PDZD8: variants seen among roughly 807,000 people sequenced by gnomAD.
PDZD8 encodes PDZ domain containing 8, also known as PDZ domain-containing protein 8.
A neutral mutation model predicts 85.8 loss-of-function variants in PDZD8; 14 were observed. The ratio of observed to expected loss-of-function variants is 0.16; its 90% confidence interval spans 0.11 to 0.26. PDZD8 has a LOEUF of 0.26. Ranked by LOEUF, PDZD8 falls within the 10% of genes least tolerant of loss-of-function variation. PDZD8 has a pLI of 1.00. For missense variants in PDZD8, 1,197 were observed against 1,424.3 expected, an observed-to-expected ratio of 0.84 and a Z score of 2.57; for synonymous variants, 592 against 568.6, an observed-to-expected ratio of 1.04 and a Z score of -0.59.
rs10377 is a variant in PDZD8, at chr10:117,277,498, A to C, written c.*5770T>G. 133,349 of 269,082 alleles carry C rather than the reference A, an allele frequency of 0.5. 34,016 individuals carry two copies. The highest frequency in any genetic ancestry group is 0.57 in the East Asian group (8,731 of 15,276). The allele number at this position is 269,082 out of a possible 1,614,324, so 16.7% of individuals were successfully genotyped here. On this transcript the variant is annotated 3_prime_UTR_variant, in exon 5 of 5. Coordinates refer to ENST00000334464, the MANE Select transcript of PDZD8 (RefSeq NM_173791.5). ...TGTTGAAACTTTATTTTATGTATTT[A>C]ATTTTATTAAATATCATACAATATA...
At chr10:117,342,702 T>A (rs955243097) in intron 1 of PDZD8, among the ~76,000 whole-genome samples, 2 of 152,082 alleles carry the variant, frequency 1.3e-5, no homozygotes, top group African/African-American at 4.8e-5. Context: ...AGTCTTGAAC[T>A]CCTGACCTCA....
At chr10:117,312,065 C>G (rs1844047747) in intron 3 of PDZD8, among the ~76,000 whole-genome samples, 1 of 152,058 alleles carries the variant, frequency 6.6e-6, no homozygotes, top group Admixed American at 6.6e-5. Context: ...TGAAATACAG[C>G]CTGCAAAGGT....
intron 2 of PDZD8, among the ~76,000 whole-genome samples, chr10:117,334,338 C>T (rs114726130): frequency 0.022 from 3,340 of 152,136 alleles, 107 homozygotes; most frequent in African/African-American, 0.073. Flanking sequence ...AAAACTCTTT[C>T]TCTACTAAAA....
chr10:117,301,362 T>C (rs574169273), intron 3 of PDZD8, among the ~76,000 whole-genome samples: 9 of 152,342 alleles, frequency 5.9e-5, no homozygotes, highest in Admixed American at 3.3e-4. Flanking sequence ...AATTGAATTC[T>C]GAATATCAGG....
intron 3 of PDZD8, among the ~76,000 whole-genome samples, chr10:117,318,605 C>T (rs1844170707): frequency 6.6e-6 from 1 of 152,166 alleles, no homozygotes; most frequent in Non-Finnish European, 1.5e-5. Flanking sequence ...TTAGTTCCTT[C>T]TAATTTCATA....
intron 1 of PDZD8, among the ~76,000 whole-genome samples, chr10:117,354,839 T>A (rs575000701): frequency 6.6e-6 from 1 of 152,334 alleles, no homozygotes; most frequent in South Asian, 2.1e-4. Flanking sequence ...CAGTGAGTGA[T>A]CATTTTAAAA....
chr10:117,318,999 A>G, intron 2 of PDZD8, 25 bp from the exon 3 acceptor site: 1 of 1,452,004 alleles, frequency 6.9e-7, no homozygotes, highest in Admixed American at 1.7e-5. Flanking sequence ...AAAACAAGGG[A>G]GAGTATCATA....
chr10:117,284,186 C>G lies in PDZD8; in HGVS notation c.2547G>C (p.Gln849His). The G allele has an allele frequency of 6.2e-7, 1 of 1,614,198 alleles. No homozygotes were observed. The highest frequency in any genetic ancestry group is 1.1e-5 in the South Asian group (1 of 91,084). Residue 849 changes from glutamine to histidine, a missense_variant, in exon 5 of 5, where the codon CAG becomes CAC. Gln to His is a conservative substitution (Grantham distance 24, BLOSUM62 0). Coordinates refer to ENST00000334464, the MANE Select transcript of PDZD8 (RefSeq NM_173791.5). ...TACAGTAGTCACACCATGTTGGGTTCTGGAACTGAGTATCCTGAAAACTGT... is the reference window on the plus strand; with the variant it reads ...TACAGTAGTCACACCATGTTGGGTTGTGGAACTGAGTATCCTGAAAACTGT... The part of the protein sequence containing the change: ...NKHSFQDTQF[Q>H]NPTWCDYCKK...
chr10:117,296,976 A>T (rs1312660447), intron 3 of PDZD8, among the ~76,000 whole-genome samples: 1 of 152,134 alleles, frequency 6.6e-6, no homozygotes, highest in African/African-American at 2.4e-5. Flanking sequence ...TCTTTGAAAG[A>T]CAGTTAAGAA....
rs771871339 is a variant in PDZD8 at position 117,340,961 on chromosome 10, GA to G, written c.995+18del. On this transcript the variant is annotated intron_variant, in intron 2 of 4. Transcript: ENST00000334464. ...ACTGTTCTTCCCGTAACTTAGTAAT[GA>G]CAAAACAAAGAACATACCTGCTACA... is the stretch of plus-strand genomic sequence containing the variant. 1.9e-6 allele frequency: 3 copies of G among 1,613,212 alleles called. No individual in the cohort carries two copies. In the African/African-American group the frequency reaches 4.0e-5, roughly 22 times the overall value.
At chr10:117,316,231 G>A (rs1185489606) in intron 3 of PDZD8, among the ~76,000 whole-genome samples, 1 of 152,154 alleles carries the variant, frequency 6.6e-6, no homozygotes, top group Non-Finnish European at 1.5e-5. Flanking sequence ...AATGAGCTAA[G>A]CAGGGCACTG....
intron 1 of PDZD8, among the ~76,000 whole-genome samples, chr10:117,364,207 T>TGTGTGTGA (rs1010465477): frequency 2.1e-5 from 3 of 144,252 alleles, no homozygotes; most frequent in African/African-American, 7.7e-5. Flanking sequence ...TGTGTGTGTG[T>TGTGTGTGA]GAGAGTGTGT....
chr10:117,306,121 A>G (rs1843939098), intron 3 of PDZD8, among the ~76,000 whole-genome samples: 1 of 152,192 alleles, frequency 6.6e-6, no homozygotes, highest in African/African-American at 2.4e-5. Context: ...TTCAAAATAG[A>G]ATGCCAGCTT....
chr10:117,344,192 A>G (rs1844665081), intron 1 of PDZD8, among the ~76,000 whole-genome samples: 1 of 152,196 alleles, frequency 6.6e-6, no homozygotes, highest in Admixed American at 6.5e-5. Flanking sequence ...TCTGCTCCCC[A>G]GTGAAATTCG....
intron 2 of PDZD8, among the ~76,000 whole-genome samples, chr10:117,325,264 G>A (rs1020043152): frequency 1.3e-5 from 2 of 152,040 alleles, no homozygotes; most frequent in East Asian, 3.9e-4. Flanking sequence ...GGACCTCAGA[G>A]AGGAATTCAC....
intron 3 of PDZD8, among the ~76,000 whole-genome samples, chr10:117,315,603 A>C (rs80152629): frequency 2.2e-4 from 21 of 95,504 alleles, no homozygotes; most frequent in Non-Finnish European, 3.1e-4. Context: ...AAAAAAAAAA[A>C]AAAAAAAAAC....
chr10:117,329,146 T>C (rs1226624970), intron 2 of PDZD8, among the ~76,000 whole-genome samples: 2 of 152,240 alleles, frequency 1.3e-5, no homozygotes, highest in East Asian at 3.8e-4. Flanking sequence ...TAACAATCAC[T>C]GGCTAATAAA....
intron 2 of PDZD8, among the ~76,000 whole-genome samples, chr10:117,320,159 T>C (rs1366256826): frequency 3.9e-5 from 6 of 152,094 alleles, no homozygotes; most frequent in African/African-American, 1.4e-4. Context: ...TAACAACCTA[T>C]TATCAAAAAG....
chr10:117,353,487 T>C (rs776986434), intron 1 of PDZD8, among the ~76,000 whole-genome samples: 13 of 152,126 alleles, frequency 8.5e-5, no homozygotes, highest in Non-Finnish European at 1.8e-4. Context: ...TCCATGCTAG[T>C]TTATTATAAG....
Sources: gnomAD v4.1 joint callset for allele counts (sites outside exome capture counted in the v4.1 genomes callset) on GRCh38, gnomAD v4.1.1 for gene constraint, MANE v1.5 for transcripts, NCBI Gene and HGNC (gene_info 2026-07-23, HGNC 2026-07-21) for gene names.